HCN1: variants seen among roughly 807,000 people sequenced by gnomAD.
The protein encoded by HCN1 is potassium/sodium hyperpolarization-activated cyclic nucleotide-gated channel 1.
A neutral mutation model predicts 78.9 loss-of-function variants in HCN1; 13 were observed. The observed-to-expected ratio is 0.16, with a 90% CI of 0.11 to 0.26. The LOEUF (loss-of-function observed/expected upper bound fraction) is 0.26, where lower values mean the gene tolerates loss of function less well. Among genes scored for constraint, HCN1 ranks in the 10% least tolerant of loss-of-function variants. HCN1 has a pLI of 1.00. For missense variants in HCN1, 810 were observed against 1,154.3 expected (o/e 0.70, Z 4.32); for synonymous variants, 552 against 455.5 (o/e 1.21, Z -2.70).
chr5:45,570,896 G>C (rs1275244206), intron 2 of HCN1, among the ~76,000 whole-genome samples: 3 of 152,012 alleles, frequency 2.0e-5, no homozygotes, highest in Admixed American at 1.3e-4. Flanking sequence ...ATTTGCTCCT[G>C]TGACAAGTAT....
intron 3 of HCN1, among the ~76,000 whole-genome samples, chr5:45,448,254 G>A (rs1740839761): frequency 6.6e-6 from 1 of 151,920 alleles, no homozygotes; most frequent in Admixed American, 6.6e-5. Context: ...CCATCTTAAG[G>A]TGCAATTCAC....
intron 3 of HCN1, among the ~76,000 whole-genome samples, chr5:45,436,909 G>C (rs562966702): frequency 6.6e-6 from 1 of 152,094 alleles, no homozygotes; most frequent in Non-Finnish European, 1.5e-5. Flanking sequence ...AAATAAGTCC[G>C]ATCAACCAGA....
intron 3 of HCN1, among the ~76,000 whole-genome samples, chr5:45,416,984 T>G (rs1329125918): frequency 6.6e-6 from 1 of 151,984 alleles, no homozygotes; most frequent in Admixed American, 6.6e-5. Flanking sequence ...CATTCATGTA[T>G]GGACAAAATA....
At chr5:45,663,169 T>C (rs1187539985) in intron 1 of HCN1, among the ~76,000 whole-genome samples, 1 of 133,950 alleles carries the variant, frequency 7.5e-6, no homozygotes, top group Non-Finnish European at 1.6e-5. Context: ...TACAACTATC[T>C]GATCTTTGAC....
In HCN1 at chr5:45,620,396, A is replaced by G. The variant is rs538518802; in HGVS notation, c.849+24789T>C. ...TACTATATTTATGTAAGATGTTAAC[A>G]TTTTCAGAAGCTGAGTGAAAGTTAT... On this transcript the variant is annotated intron_variant, in intron 2 of 7. Coordinates refer to ENST00000303230, the MANE Select transcript of HCN1 (RefSeq NM_021072.4). Among the ~76,000 whole-genome samples the G allele has an allele frequency of 2.3e-3, 356 of 152,088 alleles. 1 individual carries two copies. The highest frequency in any genetic ancestry group is 8.0e-3 in the African/African-American group (332 of 41,540).
intron 6 of HCN1, among the ~76,000 whole-genome samples, chr5:45,273,218 G>T (rs1234462341): frequency 6.6e-6 from 1 of 151,778 alleles, no homozygotes; most frequent in African/African-American, 2.4e-5. Context: ...TAGTTAAGAT[G>T]AAAACTATTG....
Position 45,261,756 on chromosome 5 carries a change from T to C in HCN1, c.*165A>G, listed in dbSNP as rs1202724802. ...CTTGGGAATTTAGATATATATTTTA[T>C]AGTATATGTATATATATTTTTACAT... On this transcript the variant is annotated 3_prime_UTR_variant, in exon 8 of 8. Coordinates refer to ENST00000303230, the MANE Select transcript of HCN1 (RefSeq NM_021072.4). The C allele has an allele frequency of 7.1e-6, 5 of 699,818 alleles. No individual in the cohort carries two copies. The Admixed American group carries it at 7.6e-5, about 11-fold the overall frequency. 43.4% of individuals were successfully genotyped at this position (699,818 alleles called of 1,614,324 possible).
At chr5:45,656,091 T>C (rs915862531) in intron 1 of HCN1, among the ~76,000 whole-genome samples, 16 of 151,468 alleles carry the variant, frequency 1.1e-4, no homozygotes, top group Admixed American at 9.2e-4. Flanking sequence ...AAGTTAAATA[T>C]GACTAAAAGA....
chr5:45,354,690 C>G (rs967958426), intron 4 of HCN1, among the ~76,000 whole-genome samples: 14 of 151,996 alleles, frequency 9.2e-5, no homozygotes, highest in African/African-American at 3.4e-4. Flanking sequence ...GGAAATACCA[C>G]TTTGTCGTGA....
chr5:45,634,836 C>T (rs956880481), intron 2 of HCN1, among the ~76,000 whole-genome samples: 1 of 151,980 alleles, frequency 6.6e-6, no homozygotes, highest in Non-Finnish European at 1.5e-5. Context: ...TGATTCATTG[C>T]CAGTTAACTG....
chr5:45,403,505 C>T (rs757756450), intron 3 of HCN1, among the ~76,000 whole-genome samples: 4 of 152,012 alleles, frequency 2.6e-5, no homozygotes, highest in Non-Finnish European at 4.4e-5. Flanking sequence ...AAGAGAAATG[C>T]CAAGCAAAAG....
At chr5:45,371,561 A>G (rs970190039) in intron 4 of HCN1, among the ~76,000 whole-genome samples, 1 of 151,596 alleles carries the variant, frequency 6.6e-6, no homozygotes, top group African/African-American at 2.4e-5. Context: ...GTTTGAGACC[A>G]TCCTGGACAA....
intron 2 of HCN1, among the ~76,000 whole-genome samples, chr5:45,555,543 C>A (rs1164783429): frequency 2.6e-5 from 4 of 151,884 alleles, no homozygotes; most frequent in African/African-American, 9.6e-5. Flanking sequence ...GAAAAAAATT[C>A]TAAAATTTAT....
chr5:45,463,265 A>G (rs1284946599), intron 2 of HCN1, among the ~76,000 whole-genome samples: 1 of 152,022 alleles, frequency 6.6e-6, no homozygotes, highest in Non-Finnish European at 1.5e-5. Flanking sequence ...ATGACAGGGC[A>G]TCTGTGATTT....
At chr5:45,488,047 G>A (rs536720945) in intron 2 of HCN1, among the ~76,000 whole-genome samples, 8 of 152,000 alleles carry the variant, frequency 5.3e-5, no homozygotes, top group Non-Finnish European at 1.2e-4. Context: ...AAATTTGGAT[G>A]AATACATATG....
At chr5:45,564,283 C>T (rs903724355) in intron 2 of HCN1, among the ~76,000 whole-genome samples, 3 of 147,464 alleles carry the variant, frequency 2.0e-5, no homozygotes, top group African/African-American at 7.5e-5. Context: ...TTTTTTGAGA[C>T]GGAGTCTTGC....
chr5:45,380,325 C>T (rs1426302784), intron 4 of HCN1, among the ~76,000 whole-genome samples: 1 of 152,014 alleles, frequency 6.6e-6, no homozygotes, highest in Non-Finnish European at 1.5e-5. Context: ...TAATCACTTC[C>T]CAAAAGGCTC....
chr5:45,669,745 C>T (rs1359569278), intron 1 of HCN1, among the ~76,000 whole-genome samples: 1 of 151,670 alleles, frequency 6.6e-6, no homozygotes, highest in Admixed American at 6.6e-5. Context: ...ATTATGAAAG[C>T]AATGGTAATG....
At chr5:45,592,437 A>G (rs1384612125) in intron 2 of HCN1, among the ~76,000 whole-genome samples, 1 of 152,170 alleles carries the variant, frequency 6.6e-6, no homozygotes, top group Admixed American at 6.5e-5. Flanking sequence ...CATGGGAACT[A>G]TATTAGAGAA....
Sources: gnomAD v4.1 joint callset for allele counts (sites outside exome capture counted in the v4.1 genomes callset) on GRCh38, gnomAD v4.1.1 for gene constraint, MANE v1.5 for transcripts, NCBI Gene and HGNC (gene_info 2026-07-23, HGNC 2026-07-21) for gene names.